KSR2: variants seen among roughly 807,000 people sequenced by gnomAD.
KSR2 encodes the protein kinase suppressor of ras 2.
A neutral mutation model predicts 107.8 loss-of-function variants in KSR2; 25 were observed. That is an observed-to-expected ratio of 0.23 (90% CI 0.17 to 0.32). The LOEUF (loss-of-function observed/expected upper bound fraction) is 0.32. Ranked by LOEUF, KSR2 falls within the 10% of genes least tolerant of loss-of-function variation. The pLI, the probability that KSR2 is intolerant of heterozygous loss-of-function variation, is 1.00. For missense variants in KSR2, 887 were observed against 1,268.9 expected, an observed-to-expected ratio of 0.70 and a Z score of 4.57; for synonymous variants, 480 against 507.0, an observed-to-expected ratio of 0.95 and a Z score of 0.71.
chr12:117,561,873 G>A (rs548562183), intron 7 of KSR2, among the ~76,000 whole-genome samples: 5 of 152,312 alleles, frequency 3.3e-5, no homozygotes, highest in African/African-American at 1.2e-4. Flanking sequence ...GCAGAGCTCT[G>A]CTAAATGTGA....
intron 5 of KSR2, among the ~76,000 whole-genome samples, chr12:117,652,657 A>C (rs1479851077): frequency 6.6e-6 from 1 of 152,208 alleles, no homozygotes; most frequent in Non-Finnish European, 1.5e-5. Flanking sequence ...GGACACCTCC[A>C]GCCTTTTAAC....
chr12:117,530,865 A>T, intron 12 of KSR2, 76 bp downstream of exon 12: 3 of 1,268,054 alleles, frequency 2.4e-6, no homozygotes, highest in Non-Finnish European at 3.4e-6. Flanking sequence ...AGGAAAGAAG[A>T]TAGGGAACCT....
chr12:117,897,143 G>A lies in KSR2; in HGVS notation c.181-36712C>T, dbSNP rs542390407. Among the ~76,000 whole-genome samples the A allele has an allele frequency of 6.6e-6, 1 of 152,278 alleles. No homozygotes were observed. The highest frequency in any genetic ancestry group is 2.1e-4 in the South Asian group (1 of 4,814). On this transcript the variant is annotated intron_variant, in intron 1 of 19. Coordinates refer to ENST00000339824, the MANE Select transcript of KSR2 (RefSeq NM_173598.6). This position sits in a 1 kb window ranked among gnomAD's most constrained non-coding sequence, Gnocchi z 4.5. Reference sequence around the variant, plus strand: ...TGAGGGAGTAGCGGAGCAGCCACGTGTTCGTCATCAGGAATTATTGTTTCA... The same window carrying A: ...TGAGGGAGTAGCGGAGCAGCCACGTATTCGTCATCAGGAATTATTGTTTCA...
At chr12:117,757,845 A>G (rs1888849885) in intron 4 of KSR2, among the ~76,000 whole-genome samples, 2 of 152,256 alleles carry the variant, frequency 1.3e-5, no homozygotes, top group South Asian at 4.1e-4. Context: ...TGTACTGGGA[A>G]ACCCAAAATT....
chr12:117,477,540 C>T (rs771465850), intron 16 of KSR2, among the ~76,000 whole-genome samples: 7 of 152,160 alleles, frequency 4.6e-5, no homozygotes, highest in South Asian at 2.1e-4. Context: ...TGATAAGCAT[C>T]GTACAAATAA....
At chr12:117,697,739 CAAAAAAAAAA>C (rs35764451) in intron 4 of KSR2, among the ~76,000 whole-genome samples, 1 of 66,384 alleles carries the variant, frequency 1.5e-5, no homozygotes, top group Non-Finnish European at 3.5e-5. Context: ...GACTCCATCT[CAAAAAAAAAA>C]AAAAAAAAAG....
chr12:117,862,728 CTTT>C lies in KSR2; in HGVS notation c.181-2300_181-2298del, dbSNP rs60357744. ...TTGCTATCTGGTCTCCATTCCCCCCCTTTTTTTTTTTTTTTTTTTGAGACGGAG... is the reference window on the plus strand; with the variant it reads ...TTGCTATCTGGTCTCCATTCCCCCCCTTTTTTTTTTTTTTTTGAGACGGAG... On this transcript the variant is annotated intron_variant, in intron 1 of 19. Transcript: ENST00000339824. 1.5e-3 allele frequency among the ~76,000 whole-genome samples: 202 copies of C among 135,564 alleles called. No homozygotes were observed. In the Middle Eastern group the frequency reaches 0.024, roughly 16 times the overall value. The allele number at this position is 135,564 out of a possible 152,430, so 88.9% of individuals were successfully genotyped here.
chr12:117,958,545 G>A (rs575279513), intron 1 of KSR2, among the ~76,000 whole-genome samples: 1 of 152,258 alleles, frequency 6.6e-6, no homozygotes, highest in East Asian at 1.9e-4. Flanking sequence ...TGGGGGCCGG[G>A]CATGGTGGCT....
rs73213809 is a variant in KSR2, at chr12:117,686,927, A to G, written c.987-19269T>C. Among the ~76,000 whole-genome samples, 483 of 152,304 alleles carry G rather than the reference A, an allele frequency of 3.2e-3. 1 individual carries two copies. The highest frequency in any genetic ancestry group is 4.7e-3 in the Non-Finnish European group (322 of 68,020). ...AGACAGACAACGAACAGTATCTACC[A>G]GTTCCTGAGGGCTTGGAGAGGACTC... On this transcript the variant is annotated intron_variant, in intron 4 of 19. Coordinates refer to ENST00000339824, the MANE Select transcript of KSR2 (RefSeq NM_173598.6).
chr12:117,857,320 A>G (rs1363178766), intron 2 of KSR2, among the ~76,000 whole-genome samples: 1 of 152,140 alleles, frequency 6.6e-6, no homozygotes, highest in Non-Finnish European at 1.5e-5. Flanking sequence ...TCGGTTTCCA[A>G]AAGTGCTGAG....
intron 9 of KSR2, among the ~76,000 whole-genome samples, chr12:117,548,211 C>CA (rs1877019970): frequency 6.6e-6 from 1 of 152,034 alleles, no homozygotes; most frequent in Non-Finnish European, 1.5e-5. Flanking sequence ...ATACAATGTC[C>CA]ATTGTTTTTA....
intron 7 of KSR2, among the ~76,000 whole-genome samples, chr12:117,578,128 A>G (rs949741327): frequency 3.3e-5 from 5 of 152,114 alleles, no homozygotes; most frequent in African/African-American, 4.8e-5. Context: ...CTCCAGACCA[A>G]TATGATACTA....
chr12:117,650,752 C>G (rs1883871255), intron 5 of KSR2, among the ~76,000 whole-genome samples: 2 of 152,190 alleles, frequency 1.3e-5, no homozygotes, highest in Non-Finnish European at 2.9e-5. Context: ...TGGTTGGCTG[C>G]TCCTAAGTTC....
At chr12:117,894,025 T>A (rs989544138) in intron 1 of KSR2, among the ~76,000 whole-genome samples, 4 of 151,008 alleles carry the variant, frequency 2.6e-5, no homozygotes, top group Non-Finnish European at 5.9e-5. Flanking sequence ...TTCTCCTGCC[T>A]CAGCCTCCCG....
intron 7 of KSR2, among the ~76,000 whole-genome samples, chr12:117,576,272 A>AC (rs1879279540): frequency 1.3e-5 from 2 of 151,930 alleles, no homozygotes; most frequent in Non-Finnish European, 1.5e-5. Flanking sequence ...CATTACCCCC[A>AC]CGGAATGTGG....
At chr12:117,908,657 G>T (rs1894924667) in intron 1 of KSR2, among the ~76,000 whole-genome samples, 1 of 152,168 alleles carries the variant, frequency 6.6e-6, no homozygotes, top group Non-Finnish European at 1.5e-5. Flanking sequence ...TCATACAACT[G>T]CAAGAAACAC....
At chr12:117,829,838 T>C (rs1364703924) in intron 3 of KSR2, among the ~76,000 whole-genome samples, 1 of 152,248 alleles carries the variant, frequency 6.6e-6, no homozygotes, top group Non-Finnish European at 1.5e-5. Flanking sequence ...TGGATTAGAC[T>C]ATTCAACACA....
intron 14 of KSR2, among the ~76,000 whole-genome samples, chr12:117,516,627 A>T (rs548300296): frequency 6.6e-6 from 1 of 152,316 alleles, no homozygotes; most frequent in East Asian, 1.9e-4. Flanking sequence ...TTTCATATAC[A>T]TCTCTAATTC....
At chr12:117,695,535 A>T (rs2136592470) in intron 4 of KSR2, among the ~76,000 whole-genome samples, 1 of 96,978 alleles carries the variant, frequency 1.0e-5, no homozygotes, top group East Asian at 2.9e-4. Flanking sequence ...ATGAAATCCC[A>T]TTTCTACAAA....
Sources: gnomAD v4.1 joint callset for allele counts (sites outside exome capture counted in the v4.1 genomes callset) on GRCh38, gnomAD v4.1.1 for gene constraint, Gnocchi (gnomAD v3.1) non-coding constraint, MANE v1.5 for transcripts, NCBI Gene and HGNC (gene_info 2026-07-23, HGNC 2026-07-21) for gene names.